The following TSR1 variants were observed in gnomAD, a reference collection of about 807,000 sequenced individuals.
TSR1 encodes the protein TSR1 ribosome maturation factor.
TSR1 carries 81 observed loss-of-function variants against 90.9 expected under a neutral mutation model. That is an observed-to-expected ratio of 0.89 (90% CI 0.74 to 1.07). The LOEUF is 1.07. TSR1 is among the 50% of genes least tolerant of loss of function. TSR1 has a pLI of 0.00. For missense variants in TSR1, 989 were observed against 987.3 expected (o/e 1.00, Z -0.02); for synonymous variants, 362 against 348.8 (o/e 1.04, Z -0.42).
intron 11 of TSR1, among the ~76,000 whole-genome samples, chr17:2,327,731 C>A (rs1277202593): frequency 6.6e-6 from 1 of 151,778 alleles, no homozygotes; most frequent in Non-Finnish European, 1.5e-5. Flanking sequence ...GAAAATTGAT[C>A]AAAATCAATT....
In TSR1 at chr17:2,332,331, T is replaced by C. The variant is rs1187506048; in HGVS notation, c.1334A>G (p.Tyr445Cys). The C allele has an allele frequency of 3.2e-5, 51 of 1,605,762 alleles. No homozygotes were observed. The highest frequency in any genetic ancestry group is 4.1e-5 in the Non-Finnish European group (48 of 1,177,924). ...AGACTCCCCAATAGTCATAGTTTCA[T>C]ATTCTTCCTCTTCTTCACTACTCTC... ...QDESSEEEEE[Y>C]ETMTIGESVH... is the part of the protein sequence containing the mutation. The change falls in exon 8 of 15, where the codon TAT becomes TGT. Residue 445 changes from tyrosine (Y) to cysteine (C), a missense_variant. Coordinates refer to ENST00000301364, the MANE Select transcript of TSR1 (RefSeq NM_018128.5).
intron 11 of TSR1, chr17:2,329,023 T>C (rs1597276021): frequency 4.3e-6 from 2 of 469,978 alleles, no homozygotes; most frequent in East Asian, 4.4e-5. Context: ...GTGTTGGGAT[T>C]ACAGGTGTGA....
Position 2,323,910 on chromosome 17 carries a change from T to A in TSR1, c.*286A>T, listed in dbSNP as rs756025561. 1.3e-6 allele frequency: 2 copies of A among 1,546,078 alleles called. No homozygotes were observed. The highest frequency in any genetic ancestry group is 1.8e-6 in the Non-Finnish European group (2 of 1,120,858). On this transcript the variant is annotated 3_prime_UTR_variant, in exon 15 of 15. Coordinates refer to ENST00000301364, the MANE Select transcript of TSR1 (RefSeq NM_018128.5). The stretch of plus-strand genomic sequence containing the variant: ...GGAAATGGTGGGAATTCAGTGTCTT[T>A]AGATACTGAAGACATTTTGTTTCCT...
At chr17:2,324,912 G>A (rs1006409188) in intron 12 of TSR1, 83 bp from the exon 13 acceptor site, 2 of 1,480,542 alleles carry the variant, frequency 1.4e-6, no homozygotes, top group Admixed American at 2.4e-5. Flanking sequence ...AAAGACCCAT[G>A]CAAGAGCCTG....
Position 2,332,368 on chromosome 17 carries a change from T to C in TSR1, c.1306-9A>G, listed in dbSNP as rs750641872. 8.2e-6 allele frequency: 13 copies of C among 1,580,690 alleles called. No individual in the cohort carries two copies. In the Admixed American group the frequency reaches 1.6e-4, roughly 19 times the overall value. ...TCTTCACTACTCTCATCCTGTAGAA[T>C]AGGATTACAGTTTTTTCAGAAGAAA... On this transcript the variant is annotated splice_polypyrimidine_tract_variant and intron_variant, in intron 7 of 14. Coordinates refer to ENST00000301364, the MANE Select transcript of TSR1 (RefSeq NM_018128.5).
chr17:2,323,672 G>A lies in TSR1; in HGVS notation c.*524C>T, dbSNP rs1240662744. On this transcript the variant is annotated 3_prime_UTR_variant, in exon 15 of 15. Coordinates refer to ENST00000301364, the MANE Select transcript of TSR1 (RefSeq NM_018128.5). ...ATCAACAGTGTGCAACCCAGCTGGT[G>A]TGGGAGAGGATGAAACTACTCATTG... is the stretch of plus-strand genomic sequence containing the variant. 1 of 1,614,160 alleles carries A rather than the reference G, an allele frequency of 6.2e-7. No homozygotes were observed.
intron 8 of TSR1, among the ~76,000 whole-genome samples, chr17:2,331,428 A>T (rs1458441351): frequency 1.3e-5 from 2 of 152,164 alleles, no homozygotes; most frequent in African/African-American, 4.8e-5. Context: ...AGGTGACTGC[A>T]TTAGGGGAGA....
At chr17:2,325,769 C>T (rs574443974) in intron 11 of TSR1, among the ~76,000 whole-genome samples, 88 of 152,088 alleles carry the variant, frequency 5.8e-4, no homozygotes, top group African/African-American at 1.9e-3. Context: ...CATGCCACCA[C>T]GCCCGGCTAA....
At chr17:2,334,389 G>A in intron 5 of TSR1, 83 bp downstream of exon 5, 1 of 1,415,638 alleles carries the variant, frequency 7.1e-7, no homozygotes, top group Non-Finnish European at 9.7e-7. Flanking sequence ...ATTCACCTAA[G>A]TGTACAGACT....
At chr17:2,325,812 C>T (rs576042675) in intron 11 of TSR1, among the ~76,000 whole-genome samples, 10 of 152,114 alleles carry the variant, frequency 6.6e-5, no homozygotes, top group Non-Finnish European at 1.5e-4. Context: ...CGGGTTTCAC[C>T]ATGTTGGCCA....
At chr17:2,333,410 T>C (rs934794848) in intron 6 of TSR1, 147 bp downstream of exon 6, 5 of 1,009,544 alleles carry the variant, frequency 5.0e-6, no homozygotes, top group Middle Eastern at 2.1e-4. Context: ...TGTTTGTTTA[T>C]TGAAAACATA....
chr17:2,333,446 T>G, intron 6 of TSR1, 111 bp downstream of exon 6: 2 of 1,354,762 alleles, frequency 1.5e-6, no homozygotes, highest in Non-Finnish European at 1.0e-6. Flanking sequence ...AGGAGAGACT[T>G]TCAACTATAC....
At position 2,325,413 on chromosome 17, in the gene TSR1, T is replaced by A. The variant is rs147701670; in HGVS notation, c.1911A>T (p.Lys637Asn). 5.5e-5 allele frequency: 88 copies of A among 1,611,150 alleles called. No individual in the cohort carries two copies. Among genetic ancestry groups the A allele is most frequent in the Admixed American group, 2.5e-4 (15 of 59,096 alleles). ...CAGTCAGGAATCTCTGCAATTTATG[T>A]TTGTCCGCTGCCATAAGGGTTAAAA... ...PLFSQHTAAD[K>N]HKLQRFLTAD... Residue 637 changes from lysine (K) to asparagine (N), a missense_variant, in exon 12 of 15, where the codon AAA (lysine) becomes AAT (asparagine). Lys to Asn is a moderately conservative substitution (Grantham distance 94). Coordinates refer to ENST00000301364, the MANE Select transcript of TSR1 (RefSeq NM_018128.5).
At position 2,329,485 on chromosome 17, in the gene TSR1, A is replaced by G; in HGVS notation, c.1771-10T>C. ...TATTCAATACTGACATCTGGGGACC[A>G]AGTAAGAAAAACAAAAATCTTCATA... On this transcript the variant is annotated splice_polypyrimidine_tract_variant and intron_variant, in intron 10 of 14. Transcript: ENST00000301364. The G allele has an allele frequency of 6.2e-7, 1 of 1,613,002 alleles. No homozygotes were observed. Among genetic ancestry groups the G allele is most frequent in the Non-Finnish European group, 8.5e-7 (1 of 1,179,690 alleles).
Position 2,334,457 on chromosome 17 carries a change from G to C in TSR1, c.981+15C>G. 1.2e-6 allele frequency: 2 copies of C among 1,600,724 alleles called. No homozygotes were observed. The highest frequency in any genetic ancestry group is 1.7e-6 in the Non-Finnish European group (2 of 1,172,216). ...CAACTTTCATATGAACATGAATTAA[G>C]AATATCAGTCTTACCTCCATTGCCA... On this transcript the variant is annotated intron_variant, in intron 5 of 14. Transcript: ENST00000301364.
chr17:2,332,829 T>C (rs1424551715), intron 7 of TSR1, 132 bp downstream of exon 7: 27 of 883,654 alleles, frequency 3.1e-5, no homozygotes, highest in African/African-American at 5.2e-5. Context: ...AGAGCAAGAC[T>C]CCGTCTCATA....
chr17:2,336,196 G>A, intron 1 of TSR1, 56 bp from the exon 2 acceptor site: 1 of 1,602,760 alleles, frequency 6.2e-7, no homozygotes, highest in Non-Finnish European at 8.5e-7. Flanking sequence ...TCAAGAAAAG[G>A]GACTCCTCTC....
chr17:2,333,144 T>C lies in TSR1; in HGVS notation c.1142-20A>G. The C allele has an allele frequency of 6.2e-7, 1 of 1,612,370 alleles. No homozygotes were observed. Among genetic ancestry groups the C allele is most frequent in the Non-Finnish European group, 8.5e-7 (1 of 1,178,922 alleles). The stretch of plus-strand genomic sequence containing the variant: ...AGAAATCTGTAAAAGCCCAAACAAA[T>C]TAAGTAAATTACAGACTTCTTTTCC... On this transcript the variant is annotated intron_variant, in intron 6 of 14. Transcript: ENST00000301364.
At position 2,334,462 on chromosome 17, in the gene TSR1, T is replaced by G; in HGVS notation, c.981+10A>C. On this transcript the variant is annotated intron_variant, in intron 5 of 14. Coordinates refer to ENST00000301364, the MANE Select transcript of TSR1 (RefSeq NM_018128.5). ...TTCATATGAACATGAATTAAGAATA[T>G]CAGTCTTACCTCCATTGCCATGTCT... 2 of 1,603,990 alleles carry G rather than the reference T, an allele frequency of 1.2e-6. No individual in the cohort carries two copies. Among genetic ancestry groups the G allele is most frequent in the African/African-American group, 2.7e-5 (2 of 74,538 alleles).
Sources: allele counts gnomAD v4.1 joint callset (sites outside exome capture counted in the v4.1 genomes callset), GRCh38; gene constraint gnomAD v4.1.1; transcripts MANE v1.5; gene names NCBI Gene and HGNC (gene_info 2026-07-23, HGNC 2026-07-21).